PI4KB: variants seen among roughly 807,000 people sequenced by gnomAD.
PI4KB encodes the protein phosphatidylinositol 4-kinase beta.
A neutral mutation model predicts 81.4 loss-of-function variants in PI4KB; 23 were observed. That is an observed-to-expected ratio of 0.28 (90% CI 0.20 to 0.40). The LOEUF is 0.40. PI4KB is among the 10% of genes least tolerant of loss of function. The probability of loss-of-function intolerance (pLI) is 1.00; values close to 1 mark genes in which losing one functional copy is unlikely to be tolerated. For missense variants in PI4KB, 651 were observed against 1,036.6 expected (o/e 0.63, Z 5.11); for synonymous variants, 381 against 406.8 (o/e 0.94, Z 0.76).
At chr1:151,297,508 T>C (rs983243953) in intron 9 of PI4KB, among the ~76,000 whole-genome samples, 5 of 151,698 alleles carry the variant, frequency 3.3e-5, no homozygotes, top group Non-Finnish European at 7.4e-5. Context: ...GCCCAGCTAA[T>C]GTATGTATGT....
chr1:151,302,298 G>T lies in PI4KB; in HGVS notation c.1521C>A (p.Arg507=), dbSNP rs1198555415. The change falls in exon 7 of 12, where the codon CGC becomes CGA. Residue 507 remains arginine (R), a splice_region_variant and synonymous_variant. Coordinates refer to ENST00000368873, the MANE Select transcript of PI4KB (RefSeq NM_001369623.2). ...GAGCCAGCTGTTCCGAAAGGCGCCGGCTGGCAGGAAGAAAATACATCATTT... is the reference window on the plus strand; with the variant it reads ...GAGCCAGCTGTTCCGAAAGGCGCCGTCTGGCAGGAAGAAAATACATCATTT... The part of the protein sequence containing the change: ...EPVFIAAGDI[R]RRLSEQLAHT... The T allele has an allele frequency of 3.1e-6, 5 of 1,612,050 alleles. No homozygotes were observed. The African/African-American group carries it at 6.7e-5, about 22-fold the overall frequency.
chr1:151,316,555 C>A, intron 1 of PI4KB, 46 bp from the exon 2 acceptor site: 1 of 1,385,792 alleles, frequency 7.2e-7, no homozygotes, highest in Non-Finnish European at 9.7e-7. Context: ...GAGACACATA[C>A]ACACATTGGT....
At chr1:151,301,388 GTATTTT>G (rs891672629) in intron 8 of PI4KB, among the ~76,000 whole-genome samples, 4 of 151,614 alleles carry the variant, frequency 2.6e-5, no homozygotes, top group Non-Finnish European at 2.9e-5. Flanking sequence ...GCTAATTTTT[GTATTTT>G]TATTTTTATT....
chr1:151,313,723 AAC>A (rs1247903418), intron 2 of PI4KB, among the ~76,000 whole-genome samples: 2 of 152,248 alleles, frequency 1.3e-5, no homozygotes, highest in South Asian at 2.1e-4. Flanking sequence ...TAGTTCTGAC[AAC>A]AGTTTTGGCT....
intron 5 of PI4KB, among the ~76,000 whole-genome samples, chr1:151,304,639 C>G (rs906301595): frequency 2.6e-5 from 4 of 151,314 alleles, no homozygotes; most frequent in Non-Finnish European, 4.4e-5. Flanking sequence ...GCCACCGCGC[C>G]TGGCCCTGGC....
At position 151,307,774 on chromosome 1, in the gene PI4KB, A is replaced by G. The variant is rs1695905823; in HGVS notation, c.982T>C (p.Phe328Leu). ...CCGATCGCCATCAGGGACTTGATGA[A>G]TTCTCTCTCAGGAGCCAGTCGAACA... ...SPVRLAPERE[F>L]IKSLMAIGKR... The change falls in exon 4 of 12, where the codon TTC becomes CTC. Residue 328 changes from phenylalanine to leucine, a missense_variant. Phe to Leu is a conservative substitution (Grantham distance 22). Around this residue, in one of 5 missense-constraint regions of PI4KB, gnomAD observed 246 missense variants for 430.1 expected, o/e 0.57. Transcript: ENST00000368873. The G allele has an allele frequency of 6.2e-7, 1 of 1,613,916 alleles. No individual in the cohort carries two copies. Among genetic ancestry groups the G allele is most frequent in the Admixed American group, 1.7e-5 (1 of 59,996 alleles).
intron 1 of PI4KB, among the ~76,000 whole-genome samples, chr1:151,318,932 C>G (rs1648434321): frequency 6.6e-6 from 1 of 152,150 alleles, no homozygotes; most frequent in Non-Finnish European, 1.5e-5. Flanking sequence ...ATCATGACAT[C>G]ACACCCTCTT....
intron 11 of PI4KB, chr1:151,293,749 C>G: frequency 2.4e-6 from 1 of 422,688 alleles, no homozygotes; most frequent in Non-Finnish European, 4.3e-6. Flanking sequence ...GAGAAGGGAC[C>G]AGGAGGCTGT....
At chr1:151,293,184 A>G in intron 11 of PI4KB, 151 bp from the exon 12 acceptor site, 1 of 1,470,994 alleles carries the variant, frequency 6.8e-7, no homozygotes, top group Non-Finnish European at 9.0e-7. Flanking sequence ...TTGGGCAGAG[A>G]GAAGGAACCG....
intron 6 of PI4KB, 54 bp downstream of exon 6, chr1:151,303,487 G>A: frequency 9.8e-7 from 1 of 1,019,618 alleles, no homozygotes; most frequent in Non-Finnish European, 1.6e-6. Flanking sequence ...ACAAAGAGAT[G>A]GGAAGTTCCT....
intron 9 of PI4KB, among the ~76,000 whole-genome samples, chr1:151,296,307 T>C (rs1180586935): frequency 1.3e-5 from 2 of 152,016 alleles, no homozygotes; most frequent in Non-Finnish European, 2.9e-5. Context: ...CCTGGGTCCA[T>C]TTGTAGGGCT....
chr1:151,316,447 T>G lies in PI4KB; in HGVS notation c.35A>C (p.Lys12Thr). Residue 12 changes from lysine to threonine, a missense_variant, in exon 2 of 12, where the codon AAG becomes ACG. By Grantham distance (78) the Lys-to-Thr change is moderately conservative. This residue lies in a region of PI4KB where 314 missense variants were observed against 397.8 expected (regional missense o/e 0.79). Coordinates refer to ENST00000368873, the MANE Select transcript of PI4KB (RefSeq NM_001369623.2). ...GDTVVEPAPL[K>T]PTSEPTSGPP... ...GCCAGAAGTGGGCTCAGAAGTTGGC[T>G]TCAAGGGGGCAGGCTCCACTACTGT... 1 of 1,560,564 alleles carries G rather than the reference T, an allele frequency of 6.4e-7. No individual in the cohort carries two copies. Among genetic ancestry groups the G allele is most frequent in the South Asian group, 1.2e-5 (1 of 81,282 alleles).
intron 2 of PI4KB, among the ~76,000 whole-genome samples, chr1:151,311,720 A>G (rs1281595875): frequency 6.6e-6 from 1 of 152,198 alleles, no homozygotes; most frequent in Non-Finnish European, 1.5e-5. Flanking sequence ...GAAGGGAGGT[A>G]TATCATGACC....
intron 11 of PI4KB, 114 bp downstream of exon 11, chr1:151,293,903 TG>T: frequency 8.4e-7 from 1 of 1,191,332 alleles, no homozygotes; most frequent in Non-Finnish European, 1.2e-6. Context: ...AGAAACTCTC[TG>T]GGAACCCCCC....
At chr1:151,317,995 T>C (rs1424546800) in intron 1 of PI4KB, among the ~76,000 whole-genome samples, 2 of 152,070 alleles carry the variant, frequency 1.3e-5, no homozygotes, top group African/African-American at 4.8e-5. Flanking sequence ...AATTTTTTTG[T>C]GCAGATGGCG....
rs1458134297 is a variant in PI4KB, at chr1:151,316,364, G to A, written c.118C>T (p.Leu40=). ...LSVITEGVGE[L]SVIDPEVAQK... ...GCCACCTCAGGGTCAATCACTGATAGTTCCCCGACCCCCTCCGTGATGACA... is the reference window on the plus strand; with the variant it reads ...GCCACCTCAGGGTCAATCACTGATAATTCCCCGACCCCCTCCGTGATGACA... The change falls in exon 2 of 12, where the codon CTA becomes TTA. Residue 40 remains leucine, a synonymous_variant. Coordinates refer to ENST00000368873, the MANE Select transcript of PI4KB (RefSeq NM_001369623.2). The A allele has an allele frequency of 6.2e-7, 1 of 1,610,838 alleles. No individual in the cohort carries two copies. Among genetic ancestry groups the A allele is most frequent in the East Asian group, 2.2e-5 (1 of 44,848 alleles).
At chr1:151,294,376 AC>A (rs1557783068) in intron 10 of PI4KB, 32 bp downstream of exon 10, 1 of 1,607,660 alleles carries the variant, frequency 6.2e-7, no homozygotes. Flanking sequence ...GAATACAATG[AC>A]CCCCGAGAGG....
At chr1:151,295,430 T>G (rs2101907313) in intron 9 of PI4KB, among the ~76,000 whole-genome samples, 1 of 152,334 alleles carries the variant, frequency 6.6e-6, no homozygotes, top group Non-Finnish European at 1.5e-5. Flanking sequence ...GGCACAATCT[T>G]GTGAGCCAGA....
At chr1:151,312,964 G>A (rs929024426) in intron 2 of PI4KB, among the ~76,000 whole-genome samples, 1 of 152,186 alleles carries the variant, frequency 6.6e-6, no homozygotes, top group Non-Finnish European at 1.5e-5. Context: ...GCTACAGTGA[G>A]CTATGACTGT....
Sources: gnomAD v4.1 joint callset for allele counts (sites outside exome capture counted in the v4.1 genomes callset) on GRCh38, gnomAD v4.1.1 for gene constraint, gnomAD v4.1.1 regional missense constraint, MANE v1.5 for transcripts, NCBI Gene and HGNC (gene_info 2026-07-23, HGNC 2026-07-21) for gene names.